The following IWS1 variants were observed in gnomAD, a reference collection of about 807,000 sequenced individuals.
IWS1 encodes the protein protein IWS1 homolog.
Under a neutral mutation model 86.7 loss-of-function variants are expected in IWS1, and 27 were observed. The observed-to-expected ratio is 0.31, with a 90% CI of 0.23 to 0.43. IWS1 has a LOEUF of 0.43. Ranked by LOEUF, IWS1 falls within the 20% of genes least tolerant of loss-of-function variation. The pLI is 1.00. For missense variants in IWS1, 827 were observed against 1,000.8 expected, an observed-to-expected ratio of 0.83 and a Z score of 2.34; for synonymous variants, 313 against 335.1, an observed-to-expected ratio of 0.93 and a Z score of 0.72.
chr2:127,481,289 A>C, intron 13 of IWS1, 114 bp from the exon 14 acceptor site: 1 of 941,058 alleles, frequency 1.1e-6, no homozygotes, highest in Non-Finnish European at 1.5e-6. Context: ...CTCTGGAATA[A>C]CCAGAATGTG....
At position 127,504,859 on chromosome 2, in the gene IWS1, G is replaced by A. The variant is rs1257584803; in HGVS notation, c.1044C>T (p.Ser348=). 6.2e-7 allele frequency: 1 copy of A among 1,614,152 alleles called. No homozygotes were observed. Among genetic ancestry groups the A allele is most frequent in the Middle Eastern group, 1.7e-4 (1 of 6,060 alleles). ...KGEDTEMQND[S]FHSDSHMDRK... ...TGTCCATATGGCTGTCTGAATGGAA[G>A]GAGTCATTCTGCATTTCTGTATCCT... is the stretch of plus-strand genomic sequence containing the variant. Residue 348 remains serine (S), a synonymous_variant, in exon 3 of 14, where the codon TCC becomes TCT. Transcript: ENST00000295321.
intron 5 of IWS1, 137 bp from the exon 6 acceptor site, chr2:127,498,374 C>G: frequency 1.3e-6 from 1 of 745,088 alleles, no homozygotes. Flanking sequence ...ACAAAAGGTC[C>G]CTCTCCAGCC....
At chr2:127,495,145 A>C (rs1690448676) in intron 7 of IWS1, among the ~76,000 whole-genome samples, 191 bp from the exon 8 acceptor site, 2 of 152,186 alleles carry the variant, frequency 1.3e-5, no homozygotes, top group African/African-American at 4.8e-5. Context: ...AAACCCAAAA[A>C]ACTATTAGAA....
Position 127,494,902 on chromosome 2 carries a change from A to G in IWS1, c.1769T>C (p.Leu590Ser). 1 of 1,604,646 alleles carries G rather than the reference A, an allele frequency of 6.2e-7. No homozygotes were observed. The highest frequency in any genetic ancestry group is 2.2e-5 in the East Asian group (1 of 44,554). The change falls in exon 8 of 14, where the codon TTA becomes TCA. Residue 590 changes from leucine to serine, a missense_variant. By Grantham distance (145) the Leu-to-Ser change is moderately radical. Transcript: ENST00000295321. ...QKKPALKKLT[L>S]LPAVVMHLKK... is the part of the protein sequence containing the mutation. The stretch of plus-strand genomic sequence containing the variant: ...AAGGTGCATAACTACAGCAGGCAGT[A>G]AAGTTAATTTTTTCAGTGCTGGCTT...
At chr2:127,500,369 T>C (rs1690737887) in intron 5 of IWS1, among the ~76,000 whole-genome samples, 1 of 152,180 alleles carries the variant, frequency 6.6e-6, no homozygotes, top group South Asian at 2.1e-4. Context: ...TCCATTTCTC[T>C]TTTCAGTTCT....
chr2:127,524,675 T>C (rs1471885243), intron 1 of IWS1, among the ~76,000 whole-genome samples: 1 of 151,506 alleles, frequency 6.6e-6, no homozygotes, highest in African/African-American at 2.4e-5. Context: ...CCTGAGTAGC[T>C]GGGATTACAG....
At chr2:127,523,121 G>A (rs1392272665) in intron 2 of IWS1, among the ~76,000 whole-genome samples, 2 of 152,102 alleles carry the variant, frequency 1.3e-5, no homozygotes, top group East Asian at 3.9e-4. Context: ...TGAGGTGGGA[G>A]GATAGCTTGA....
chr2:127,504,626 G>C, intron 3 of IWS1, 58 bp downstream of exon 3: 1 of 1,216,882 alleles, frequency 8.2e-7, no homozygotes, highest in South Asian at 1.4e-5. Context: ...ATGTTCCACA[G>C]TTACAAGCTT....
chr2:127,503,838 T>C (rs1690954132), intron 3 of IWS1, among the ~76,000 whole-genome samples: 1 of 152,098 alleles, frequency 6.6e-6, no homozygotes, highest in Non-Finnish European at 1.5e-5. Context: ...AAGAAAGATA[T>C]CATCAATATA....
In IWS1 at chr2:127,504,820, G is replaced by A; in HGVS notation, c.1083C>T (p.His361=). The A allele has an allele frequency of 1.9e-6, 3 of 1,614,126 alleles. No individual in the cohort carries two copies. Among genetic ancestry groups the A allele is most frequent in the African/African-American group, 1.3e-5 (1 of 75,012 alleles). ...SDSHMDRKKF[H]SSDSEEEEHK... ...GTTCTTCCTCCTCACTATCAGAACTGTGAAACTTTTTTCTGTCCATATGGC... is the reference window on the plus strand; with the variant it reads ...GTTCTTCCTCCTCACTATCAGAACTATGAAACTTTTTTCTGTCCATATGGC... The change falls in exon 3 of 14, where the codon CAC becomes CAT. Residue 361 remains histidine (H), a synonymous_variant. Transcript: ENST00000295321.
chr2:127,526,119 G>A, intron 1 of IWS1, 56 bp downstream of exon 1: 2 of 1,532,588 alleles, frequency 1.3e-6, no homozygotes, highest in Non-Finnish European at 1.8e-6. Flanking sequence ...GCCAGGCCAA[G>A]CCCCGCCGAG....
At chr2:127,482,941 C>T (rs1689709687) in intron 13 of IWS1, 1 of 151,842 alleles carries the variant, frequency 6.6e-6, no homozygotes, top group Admixed American at 6.5e-5. Flanking sequence ...TGCAAAACCA[C>T]TCAAGAATGC....
chr2:127,525,244 T>G (rs2679407), intron 1 of IWS1, among the ~76,000 whole-genome samples: 26,522 of 151,860 alleles, frequency 0.17, 4,552 homozygotes, highest in African/African-American at 0.44. Context: ...ACAGGCATAA[T>G]CCACCGCACC....
At chr2:127,491,605 G>A (rs1192818587) in intron 10 of IWS1, among the ~76,000 whole-genome samples, 2 of 152,106 alleles carry the variant, frequency 1.3e-5, no homozygotes, top group East Asian at 1.9e-4. Context: ...CACCATGCCC[G>A]GCTAATTTTT....
chr2:127,495,655 G>A (rs1351338509), intron 7 of IWS1, among the ~76,000 whole-genome samples: 4 of 152,190 alleles, frequency 2.6e-5, no homozygotes, highest in African/African-American at 9.7e-5. Flanking sequence ...GTCTTGATCA[G>A]GAGCAAGAGA....
chr2:127,509,245 T>C (rs1691309990), intron 2 of IWS1, among the ~76,000 whole-genome samples: 1 of 152,038 alleles, frequency 6.6e-6, no homozygotes, highest in African/African-American at 2.4e-5. Flanking sequence ...GGCAATTAAA[T>C]TGCAAGCTTA....
rs1052700465 is a variant in IWS1, at chr2:127,499,897, G to C, written c.1468-1660C>G. Among the ~76,000 whole-genome samples, 1 of 151,912 alleles carries C rather than the reference G, an allele frequency of 6.6e-6. No individual in the cohort carries two copies. Among genetic ancestry groups the C allele is most frequent in the Admixed American group, 6.6e-5 (1 of 15,246 alleles). ...ATGATCTTTTCAATAAATGGTGCTG[G>C]GTCAACTGGATACTTCAAATAAGGA... On this transcript the variant is annotated intron_variant, in intron 5 of 13. Transcript: ENST00000295321. This position sits in a 1 kb window ranked among gnomAD's most constrained non-coding sequence, Gnocchi z 4.0.
At chr2:127,501,113 C>T (rs1445858516) in intron 5 of IWS1, among the ~76,000 whole-genome samples, 2 of 152,142 alleles carry the variant, frequency 1.3e-5, no homozygotes, top group Non-Finnish European at 2.9e-5. Flanking sequence ...TTTCTCCCTC[C>T]TGCATCTCTA....
intron 9 of IWS1, chr2:127,493,055 T>C (rs1690315036): frequency 2.8e-6 from 1 of 360,278 alleles, no homozygotes; most frequent in African/African-American, 2.1e-5. Flanking sequence ...CTCAGACACA[T>C]TACAGCTACT....
Sources: gnomAD v4.1 joint callset for allele counts (sites outside exome capture counted in the v4.1 genomes callset) on GRCh38, gnomAD v4.1.1 for gene constraint, Gnocchi (gnomAD v3.1) non-coding constraint, MANE v1.5 for transcripts, NCBI Gene and HGNC (gene_info 2026-07-23, HGNC 2026-07-21) for gene names.